The following ITGBL1 variants were observed in gnomAD, a reference collection of about 807,000 sequenced individuals.
The protein encoded by ITGBL1 is integrin subunit beta like 1.
ITGBL1 carries 51 observed loss-of-function variants against 68.5 expected under a neutral mutation model. The observed-to-expected ratio is 0.74, with a 90% CI of 0.59 to 0.94. The LOEUF is 0.94. ITGBL1 is among the 40% of genes least tolerant of loss of function. The pLI is 0.00. For synonymous variants in ITGBL1, 209 were observed against 227.3 expected (o/e 0.92, Z 0.72); for missense variants, 649 against 647.4 (o/e 1.00, Z -0.03).
chr13:101,693,865 G>A (rs1007634978), intron 8 of ITGBL1, among the ~76,000 whole-genome samples: 4 of 152,070 alleles, frequency 2.6e-5, no homozygotes, highest in Admixed American at 6.6e-5. Flanking sequence ...TCAGACCTTG[G>A]TGATGACCTG....
intron 7 of ITGBL1, among the ~76,000 whole-genome samples, chr13:101,613,410 T>A (rs1175524204): frequency 6.6e-6 from 1 of 151,734 alleles, no homozygotes; most frequent in Non-Finnish European, 1.5e-5. Context: ...TGTCATAGAG[T>A]TTGGGAAAAT....
At chr13:101,541,006 A>C (rs568352864) in intron 2 of ITGBL1, among the ~76,000 whole-genome samples, 16 of 120,318 alleles carry the variant, frequency 1.3e-4, no homozygotes, top group African/African-American at 4.8e-4. Context: ...GCAAACAGGG[A>C]CAATTTGACT....
rs758973670 is a variant in ITGBL1 at position 101,706,766 on chromosome 13, A to G, written c.1143A>G (p.Thr381=). The change falls in exon 9 of 11, where the codon ACA becomes ACG. Residue 381 remains threonine, a synonymous_variant. Coordinates refer to ENST00000376180, the MANE Select transcript of ITGBL1 (RefSeq NM_004791.3). ...GTGGTTGCTTCACAGGCCACGGCAC[A>G]TGTTCCTGTGGTCGCTGTGTTTGTG... ...LDGVVCGGHG[T]CSCGRCVCER... is the part of the protein sequence containing the mutation. 1.2e-6 allele frequency: 2 copies of G among 1,613,976 alleles called. No individual in the cohort carries two copies. Among genetic ancestry groups the G allele is most frequent in the African/African-American group, 2.7e-5 (2 of 74,924 alleles).
At chr13:101,684,350 T>C (rs1048856230) in intron 7 of ITGBL1, among the ~76,000 whole-genome samples, 2 of 151,990 alleles carry the variant, frequency 1.3e-5, no homozygotes, top group Non-Finnish European at 2.9e-5. Context: ...TTTCCATTTC[T>C]GTATAAATGT....
At chr13:101,649,205 A>G (rs1274850025) in intron 7 of ITGBL1, among the ~76,000 whole-genome samples, 2 of 152,182 alleles carry the variant, frequency 1.3e-5, no homozygotes, top group Non-Finnish European at 1.5e-5. Context: ...GTGAAAACAC[A>G]TCTGTTTCTC....
chr13:101,472,969 G>A (rs910313885), intron 2 of ITGBL1, among the ~76,000 whole-genome samples: 3 of 152,076 alleles, frequency 2.0e-5, no homozygotes, highest in African/African-American at 7.2e-5. Flanking sequence ...ATATATTTAT[G>A]TTGTGTGTAT....
intron 2 of ITGBL1, among the ~76,000 whole-genome samples, chr13:101,515,867 A>C (rs1302797935): frequency 6.6e-6 from 1 of 152,130 alleles, no homozygotes; most frequent in Non-Finnish European, 1.5e-5. Context: ...TAACCATTCT[A>C]CCTTTTTCAA....
chr13:101,565,608 T>A (rs1247620642), intron 2 of ITGBL1, among the ~76,000 whole-genome samples: 1 of 152,118 alleles, frequency 6.6e-6, no homozygotes, highest in Non-Finnish European at 1.5e-5. Flanking sequence ...CTAATACAGG[T>A]TATGAGAAAA....
chr13:101,535,271 C>T (rs1038632865), intron 2 of ITGBL1, among the ~76,000 whole-genome samples: 3 of 151,972 alleles, frequency 2.0e-5, no homozygotes, highest in African/African-American at 7.2e-5. Flanking sequence ...TTCACCTACT[C>T]CAGCAGAAGA....
chr13:101,693,142 G>T (rs538082378), intron 8 of ITGBL1, among the ~76,000 whole-genome samples: 20 of 152,208 alleles, frequency 1.3e-4, no homozygotes, highest in African/African-American at 4.6e-4. Flanking sequence ...ACCCAAACAA[G>T]AGCTCACTGG....
In ITGBL1 at chr13:101,491,910, G is replaced by T. The variant is rs1317784957; in HGVS notation, c.316+37810G>T. Among the ~76,000 whole-genome samples the T allele has an allele frequency of 2.0e-5, 3 of 152,140 alleles. No individual in the cohort carries two copies. The East Asian group carries it at 5.8e-4, about 29-fold the overall frequency. On this transcript the variant is annotated intron_variant, in intron 2 of 10. Coordinates refer to ENST00000376180, the MANE Select transcript of ITGBL1 (RefSeq NM_004791.3). ...TGGATTTCTGTTCCTGGGTTAGTTT[G>T]CTGAGAATGGTGGTTTCCACCTTCA...
chr13:101,500,295 CAG>C (rs558735086), intron 2 of ITGBL1, among the ~76,000 whole-genome samples: 150 of 152,162 alleles, frequency 9.9e-4, no homozygotes, highest in African/African-American at 3.3e-3. Context: ...CCATTTATAA[CAG>C]AGTTTAATGT....
At chr13:101,522,822 G>T (rs1473342384) in intron 2 of ITGBL1, among the ~76,000 whole-genome samples, 1 of 152,170 alleles carries the variant, frequency 6.6e-6, no homozygotes, top group Non-Finnish European at 1.5e-5. Context: ...ACATTGTTTT[G>T]ATCCAGGCAG....
At chr13:101,641,355 T>A (rs1346421220) in intron 7 of ITGBL1, among the ~76,000 whole-genome samples, 1 of 151,992 alleles carries the variant, frequency 6.6e-6, no homozygotes, top group Non-Finnish European at 1.5e-5. Flanking sequence ...TCTTTTTATT[T>A]TTTTGCATAT....
At chr13:101,619,558 A>G (rs562984281) in intron 7 of ITGBL1, among the ~76,000 whole-genome samples, 2 of 152,308 alleles carry the variant, frequency 1.3e-5, no homozygotes, top group South Asian at 2.1e-4. Flanking sequence ...ATTTGAGCCC[A>G]GCCAAACCAT....
At chr13:101,590,046 G>A (rs1032484742) in intron 6 of ITGBL1, among the ~76,000 whole-genome samples, 2 of 152,150 alleles carry the variant, frequency 1.3e-5, no homozygotes, top group African/African-American at 2.4e-5. Flanking sequence ...AAAACAGAAC[G>A]TGCCTATGGG....
chr13:101,648,744 A>G (rs2032645777), intron 7 of ITGBL1, among the ~76,000 whole-genome samples: 1 of 152,206 alleles, frequency 6.6e-6, no homozygotes, highest in Admixed American at 6.5e-5. Context: ...GTTAGACATG[A>G]AAGAGTATAT....
At chr13:101,684,083 T>C (rs1359703273) in intron 7 of ITGBL1, among the ~76,000 whole-genome samples, 1 of 151,998 alleles carries the variant, frequency 6.6e-6, no homozygotes, top group Non-Finnish European at 1.5e-5. Context: ...TAATATTTTC[T>C]TTTTTAGTTA....
intron 2 of ITGBL1, among the ~76,000 whole-genome samples, chr13:101,555,500 G>A (rs1320306369): frequency 6.6e-6 from 1 of 152,102 alleles, no homozygotes; most frequent in Non-Finnish European, 1.5e-5. Flanking sequence ...AATTTTTGCT[G>A]TTGGTTATGT....
Sources: allele counts gnomAD v4.1 joint callset (sites outside exome capture counted in the v4.1 genomes callset), GRCh38; gene constraint gnomAD v4.1.1; transcripts MANE v1.5; gene names NCBI Gene and HGNC (gene_info 2026-07-23, HGNC 2026-07-21).